Variants in SYN3 observed in about 807,000 individuals in gnomAD.
SYN3 encodes the protein synapsin III, also known as synapsin-3.
A neutral mutation model predicts 65.8 loss-of-function variants in SYN3; 35 were observed. The ratio of observed to expected loss-of-function variants is 0.53; its 90% CI spans 0.41 to 0.70. The LOEUF is 0.70. SYN3 is among the 30% of genes least tolerant of loss of function. The pLI is 0.00. For synonymous variants in SYN3, 270 were observed against 292.9 expected (o/e 0.92, Z 0.80); for missense variants, 680 against 749.0 (o/e 0.91, Z 1.08).
At chr22:32,910,280 A>T (rs1478193034) in intron 4 of SYN3, among the ~76,000 whole-genome samples, 1 of 152,230 alleles carries the variant, frequency 6.6e-6, no homozygotes, top group Non-Finnish European at 1.5e-5. Context: ...GAAAGTGTTT[A>T]TAACTAATTC....
chr22:32,941,282 C>T (rs139266272), intron 3 of SYN3, among the ~76,000 whole-genome samples: 4 of 152,302 alleles, frequency 2.6e-5, no homozygotes, highest in African/African-American at 7.2e-5. Context: ...TTGACATGCT[C>T]ACACACCTCT....
intron 7 of SYN3, among the ~76,000 whole-genome samples, chr22:32,568,919 C>G (rs1378716187): frequency 1.3e-5 from 2 of 152,148 alleles, no homozygotes; most frequent in African/African-American, 4.8e-5. Context: ...ATCAATCAGG[C>G]TGGGTTTGTA....
At chr22:32,611,180 T>C (rs2059437147) in intron 6 of SYN3, among the ~76,000 whole-genome samples, 1 of 151,878 alleles carries the variant, frequency 6.6e-6, no homozygotes, top group African/African-American at 2.4e-5. Flanking sequence ...GAACCAACAC[T>C]AGCTTGCAGG....
chr22:32,794,006 G>A (rs1292168094), intron 6 of SYN3, among the ~76,000 whole-genome samples: 1 of 152,242 alleles, frequency 6.6e-6, no homozygotes, highest in African/African-American at 2.4e-5. Context: ...GAAGGATGGA[G>A]TGGCCAGCCT....
intron 1 of SYN3, among the ~76,000 whole-genome samples, chr22:33,025,538 G>A (rs2053628812): frequency 6.6e-6 from 1 of 151,780 alleles, no homozygotes; most frequent in African/African-American, 2.4e-5. Context: ...GGAGGCTGAG[G>A]CAGGAGAATC....
At chr22:32,514,159 A>G (rs534323558) in intron 13 of SYN3, among the ~76,000 whole-genome samples, 2 of 152,220 alleles carry the variant, frequency 1.3e-5, no homozygotes, top group South Asian at 4.1e-4. Flanking sequence ...GCTGGAGAGT[A>G]GCTTGGCTGC....
intron 6 of SYN3, among the ~76,000 whole-genome samples, chr22:32,727,733 A>C (rs889883542): frequency 1.3e-5 from 2 of 152,184 alleles, no homozygotes; most frequent in Non-Finnish European, 2.9e-5. Context: ...TCTAATGATC[A>C]GTGATGTTGA....
intron 6 of SYN3, among the ~76,000 whole-genome samples, chr22:32,704,566 C>A (rs1419119170): frequency 6.6e-6 from 1 of 152,170 alleles, no homozygotes; most frequent in African/African-American, 2.4e-5. Context: ...AATTTATATT[C>A]ATTTGGGTAT....
intron 4 of SYN3, among the ~76,000 whole-genome samples, chr22:32,880,402 G>A (rs114440802): frequency 6.6e-6 from 1 of 152,204 alleles, no homozygotes; most frequent in African/African-American, 2.4e-5. Flanking sequence ...TATTGTCTTA[G>A]AGAAGCTCTG....
At chr22:32,546,462 G>T (rs1390901828) in intron 7 of SYN3, among the ~76,000 whole-genome samples, 1 of 152,158 alleles carries the variant, frequency 6.6e-6, no homozygotes, top group Non-Finnish European at 1.5e-5. Flanking sequence ...CTCTCTGAGG[G>T]TTACTGCCTG....
intron 6 of SYN3, chr22:32,863,086 T>G (rs1394796052): frequency 6.6e-6 from 1 of 152,542 alleles, no homozygotes; most frequent in Non-Finnish European, 1.5e-5. Context: ...CCACGGGGAG[T>G]TATGTATACA....
chr22:32,934,062 T>C (rs906780176), intron 3 of SYN3, among the ~76,000 whole-genome samples: 2 of 152,164 alleles, frequency 1.3e-5, no homozygotes, highest in African/African-American at 2.4e-5. Context: ...GGTTAGTAAA[T>C]AGTGGTAATG....
rs548807956 is a variant in SYN3 at position 32,874,216 on chromosome 22, G to A, written c.462-5091C>T. On this transcript the variant is annotated intron_variant, in intron 4 of 13. Transcript: ENST00000358763. ...TCTTCCTGCCGTAGAGCCCCACTGA[G>A]CCCAAGACCTGGGTCTCTCGTGCCT... Among the ~76,000 whole-genome samples the A allele has an allele frequency of 2.6e-5, 4 of 152,322 alleles. No individual in the cohort carries two copies. The East Asian group carries it at 7.7e-4, about 29-fold the overall frequency.
intron 7 of SYN3, among the ~76,000 whole-genome samples, chr22:32,584,531 A>G (rs1302139499): frequency 6.6e-6 from 1 of 152,246 alleles, no homozygotes; most frequent in Non-Finnish European, 1.5e-5. Flanking sequence ...AGAGAAAAGA[A>G]AAAAGGAAAT....
intron 12 of SYN3, among the ~76,000 whole-genome samples, chr22:32,522,318 A>G (rs1381124265): frequency 6.6e-6 from 1 of 152,182 alleles, no homozygotes; most frequent in Non-Finnish European, 1.5e-5. Flanking sequence ...CAACTCACTA[A>G]AAGTGTGTTT....
chr22:33,034,416 T>C (rs1033091469), intron 1 of SYN3, among the ~76,000 whole-genome samples: 4 of 151,666 alleles, frequency 2.6e-5, no homozygotes, highest in Non-Finnish European at 4.4e-5. Context: ...CCCCAGCTAA[T>C]TTTTATATTT....
chr22:33,042,380 A>G (rs2053980564), intron 1 of SYN3, among the ~76,000 whole-genome samples: 1 of 152,166 alleles, frequency 6.6e-6, no homozygotes, highest in South Asian at 2.1e-4. Context: ...AAAAGAAGCA[A>G]AGCCCTTTAG....
intron 6 of SYN3, among the ~76,000 whole-genome samples, chr22:32,678,570 C>A (rs1007596912): frequency 6.6e-6 from 1 of 150,700 alleles, no homozygotes; most frequent in African/African-American, 2.4e-5. Context: ...CTCCTCCTTC[C>A]TCCTCCTCTC....
chr22:32,663,334 T>A (rs1416108078), intron 6 of SYN3, among the ~76,000 whole-genome samples: 38 of 149,998 alleles, frequency 2.5e-4, no homozygotes, highest in African/African-American at 8.6e-4. Flanking sequence ...AGTCTCACTC[T>A]GTCGCCCAGG....
Sources: gnomAD v4.1 joint callset for allele counts (sites outside exome capture counted in the v4.1 genomes callset) on GRCh38, gnomAD v4.1.1 for gene constraint, MANE v1.5 for transcripts, NCBI Gene and HGNC (gene_info 2026-07-23, HGNC 2026-07-21) for gene names.